The following TNRC6A variants were observed in gnomAD, a reference collection of about 807,000 sequenced individuals.
TNRC6A encodes trinucleotide repeat containing adaptor 6A.
TNRC6A carries 44 observed loss-of-function variants against 221.2 expected under a neutral mutation model. The observed-to-expected ratio is 0.20, with a 90% CI of 0.16 to 0.26. The LOEUF (loss-of-function observed/expected upper bound fraction) is 0.26, where lower values mean the gene tolerates loss of function less well. Among genes scored for constraint, TNRC6A ranks in the 10% least tolerant of loss-of-function variants. The probability of loss-of-function intolerance (pLI) is 1.00; values close to 1 mark genes in which losing one functional copy is unlikely to be tolerated. For synonymous variants in TNRC6A, 847 were observed against 838.5 expected, an observed-to-expected ratio of 1.01 and a Z score of -0.18; for missense variants, 2,199 against 2,404.4, an observed-to-expected ratio of 0.91 and a Z score of 1.79.
At position 24,789,624 on chromosome 16, in the gene TNRC6A, G is replaced by C. The variant is rs1222094567; in HGVS notation, c.982G>C (p.Val328Leu). Reference protein sequence around the residue: ...GAIISTCQVSVDAPESKSESS... With the variant: ...GAIISTCQVSLDAPESKSESS... Reference sequence around the variant, plus strand: ...CATAATAAGCACATGTCAGGTCTCTGTGGATGCTCCTGAAAGCAAATCTGA... The same window carrying C: ...CATAATAAGCACATGTCAGGTCTCTCTGGATGCTCCTGAAAGCAAATCTGA... Residue 328 changes from valine to leucine, a missense_variant, in exon 6 of 25, where the codon GTG becomes CTG. Around this residue, in one of 8 missense-constraint regions of TNRC6A, gnomAD observed 1,405 missense variants for 1,400.2 expected, o/e 1.00. Transcript: ENST00000395799. 1 of 1,614,030 alleles carries C rather than the reference G, an allele frequency of 6.2e-7. No homozygotes were observed. The highest frequency in any genetic ancestry group is 1.7e-5 in the Admixed American group (1 of 60,008).
intron 4 of TNRC6A, among the ~76,000 whole-genome samples, chr16:24,759,828 A>G (rs2057325279): frequency 6.6e-6 from 1 of 152,162 alleles, no homozygotes; most frequent in South Asian, 2.1e-4. Context: ...TCAGAAGAGG[A>G]GTTGAAGGCG....
chr16:24,723,019 T>C (rs1596548279), intron 2 of TNRC6A, among the ~76,000 whole-genome samples: 3 of 151,592 alleles, frequency 2.0e-5, no homozygotes, highest in Admixed American at 6.6e-5. Context: ...CCATATAGGG[T>C]GTTGGTTGGG....
At chr16:24,633,115 C>T (rs1260085264) in intron 1 of TNRC6A, among the ~76,000 whole-genome samples, 1 of 152,104 alleles carries the variant, frequency 6.6e-6, no homozygotes, top group African/African-American at 2.4e-5. Flanking sequence ...TCTGTTGCAG[C>T]CACAGTGGCT....
intron 2 of TNRC6A, among the ~76,000 whole-genome samples, chr16:24,741,135 T>G (rs1386719160): frequency 6.6e-6 from 1 of 152,202 alleles, no homozygotes; most frequent in Non-Finnish European, 1.5e-5. Context: ...TTTTCGTGCA[T>G]GCTTACTCAC....
intron 1 of TNRC6A, among the ~76,000 whole-genome samples, chr16:24,621,476 G>A (rs1186766664): frequency 4.0e-5 from 6 of 150,438 alleles, no homozygotes; most frequent in Non-Finnish European, 3.0e-5. Flanking sequence ...CTTGTGCCTC[G>A]GCCTCCCGAG....
Position 24,776,985 on chromosome 16 carries a change from T to C in TNRC6A, c.216T>C (p.Asn72=), listed in dbSNP as rs1172215243. The C allele has an allele frequency of 1.2e-6, 2 of 1,613,994 alleles. No homozygotes were observed. Among genetic ancestry groups the C allele is most frequent in the South Asian group, 2.2e-5 (2 of 91,072 alleles). ...SVSQPQPANS[N]NGTSTATSTN... is the part of the protein sequence containing the mutation. ...GCCAGCCTCAGCCTGCCAACTCTAA[T>C]AACGGCACTTCCACAGCAACCAGCA... Residue 72 remains asparagine, a synonymous_variant, in exon 5 of 25, where the codon AAT becomes AAC. Coordinates refer to ENST00000395799, the MANE Select transcript of TNRC6A (RefSeq NM_014494.4).
At chr16:24,747,255 A>G (rs2057033425) in intron 2 of TNRC6A, among the ~76,000 whole-genome samples, 1 of 152,218 alleles carries the variant, frequency 6.6e-6, no homozygotes, top group Non-Finnish European at 1.5e-5. Flanking sequence ...ATCAAGTTAG[A>G]AAACATTTCC....
chr16:24,693,193 AT>A (rs2055790100), intron 2 of TNRC6A, among the ~76,000 whole-genome samples: 1 of 151,982 alleles, frequency 6.6e-6, no homozygotes, highest in Non-Finnish European at 1.5e-5. Context: ...AGTGGCTCAC[AT>A]CTGTAATTCC....
rs549272377 is a variant in TNRC6A, at chr16:24,620,757, G to A, written n.276+10273G>A. ...GGGGAGGCAGATGTTGCAGTGAGCCGAGATCGTGCCATTGCATTCCAGCCT... is the reference window on the plus strand; with the variant it reads ...GGGGAGGCAGATGTTGCAGTGAGCCAAGATCGTGCCATTGCATTCCAGCCT... On this transcript the variant is annotated intron_variant and non_coding_transcript_variant, in intron 1 of 2. Coordinates refer to the TNRC6A transcript ENST00000566108. Among the ~76,000 whole-genome samples the A allele has an allele frequency of 3.3e-5, 5 of 152,032 alleles. No individual in the cohort carries two copies. The East Asian group carries it at 5.8e-4, about 18-fold the overall frequency.
chr16:24,708,070 C>A (rs1173274559), intron 2 of TNRC6A, among the ~76,000 whole-genome samples: 4 of 106,502 alleles, frequency 3.8e-5, no homozygotes, highest in African/African-American at 5.4e-5. Context: ...AAAAAAAAAA[C>A]ACACACACAC....
chr16:24,652,376 G>A (rs1186769427), intron 2 of TNRC6A, among the ~76,000 whole-genome samples: 1 of 152,186 alleles, frequency 6.6e-6, no homozygotes, highest in African/African-American at 2.4e-5. Context: ...AGAAGATACA[G>A]AAATTATATG....
chr16:24,737,058 C>T lies in TNRC6A; in HGVS notation c.53+6758C>T, dbSNP rs370309076. ...ATGCCCCATTGAAATTAGAGTGGCA[C>T]GGTGCCACCAGACCAAGGGTTCTCA... On this transcript the variant is annotated intron_variant, in intron 2 of 24. Transcript: ENST00000395799. 7.2e-5 allele frequency among the ~76,000 whole-genome samples: 11 copies of T among 152,238 alleles called. No homozygotes were observed. In the South Asian group the frequency reaches 1.7e-3, roughly 23 times the overall value.
chr16:24,816,030 A>G (rs1205285421), intron 19 of TNRC6A: 1 of 152,592 alleles, frequency 6.6e-6, no homozygotes, highest in East Asian at 1.9e-4. Context: ...CTGTTTAAAA[A>G]TAAACATGAA....
At chr16:24,667,418 A>C (rs1387553028) in intron 2 of TNRC6A, among the ~76,000 whole-genome samples, 1 of 152,182 alleles carries the variant, frequency 6.6e-6, no homozygotes, top group Non-Finnish European at 1.5e-5. Context: ...CTCAGAACTG[A>C]CCCATCATGC....
chr16:24,776,988 C>T lies in TNRC6A; in HGVS notation c.219C>T (p.Asn73=), dbSNP rs1357180882. Residue 73 remains asparagine, a synonymous_variant, in exon 5 of 25, where the codon AAC becomes AAT. Coordinates refer to ENST00000395799, the MANE Select transcript of TNRC6A (RefSeq NM_014494.4). ...AGCCTCAGCCTGCCAACTCTAATAA[C>T]GGCACTTCCACAGCAACCAGCACTA... ...VSQPQPANSN[N]GTSTATSTNN... The T allele has an allele frequency of 6.2e-6, 10 of 1,613,954 alleles. No individual in the cohort carries two copies. Among genetic ancestry groups the T allele is most frequent in the African/African-American group, 1.3e-5 (1 of 74,876 alleles).
At chr16:24,633,592 A>G (rs1901462142) in intron 1 of TNRC6A, among the ~76,000 whole-genome samples, 1 of 151,908 alleles carries the variant, frequency 6.6e-6, no homozygotes, top group Non-Finnish European at 1.5e-5. Context: ...TTGGGGTTTC[A>G]CCATATTGGC....
intron 1 of TNRC6A, among the ~76,000 whole-genome samples, chr16:24,619,592 T>C (rs1202311614): frequency 2.0e-5 from 3 of 152,172 alleles, no homozygotes; most frequent in Non-Finnish European, 4.4e-5. Context: ...TTAGCTACAT[T>C]ACAGACAAGG....
chr16:24,710,372 C>T (rs2056182201), intron 2 of TNRC6A, among the ~76,000 whole-genome samples: 1 of 152,174 alleles, frequency 6.6e-6, no homozygotes, highest in East Asian at 1.9e-4. Flanking sequence ...CTTCGAGAGG[C>T]TGAGGCAGGA....
chr16:24,784,476 A>G (rs1248941527), intron 5 of TNRC6A, among the ~76,000 whole-genome samples: 7 of 152,266 alleles, frequency 4.6e-5, no homozygotes, highest in South Asian at 4.1e-4. Flanking sequence ...GGTATATGCT[A>G]CTACACCCAG....
Sources: gnomAD v4.1 joint callset for allele counts (sites outside exome capture counted in the v4.1 genomes callset) on GRCh38, gnomAD v4.1.1 for gene constraint, gnomAD v4.1.1 regional missense constraint, MANE v1.5 for transcripts, NCBI Gene and HGNC (gene_info 2026-07-23, HGNC 2026-07-21) for gene names.